Variants in KIF7 observed in about 807,000 individuals in gnomAD.
KIF7 encodes kinesin-like protein KIF7.
KIF7 carries 104 observed loss-of-function variants against 135.7 expected under a neutral mutation model. The observed-to-expected ratio is 0.77, with a 90% CI of 0.65 to 0.90. The LOEUF is 0.90. Ranked by LOEUF, KIF7 falls within the 40% of genes least tolerant of loss-of-function variation. The pLI, the probability that KIF7 is intolerant of heterozygous loss-of-function variation, is 0.00. For synonymous variants in KIF7, 883 were observed against 809.4 expected, an observed-to-expected ratio of 1.09 and a Z score of -1.54; for missense variants, 2,005 against 1,839.1, an observed-to-expected ratio of 1.09 and a Z score of -1.65.
intron 17 of KIF7, 51 bp downstream of exon 17, chr15:89,629,295 AGGGGGGTGCAGGGCGGGGAAGATGGGGGT>A: frequency 5.4e-6 from 3 of 555,962 alleles, no homozygotes; most frequent in Non-Finnish European, 6.5e-6. Context: ...GGGGGGAGGG[AGGGGGGTGCAGGGCGGGGAAGATGGGGGT>A]GGGGGGGATG....
intron 2 of KIF7, among the ~76,000 whole-genome samples, chr15:89,651,340 T>C (rs7162143): frequency 0.91 from 137,611 of 152,024 alleles, 62,553 homozygotes; most frequent in African/African-American, 0.96. Context: ...CCTCATGATC[T>C]GCCCACCTCG....
chr15:89,632,874 C>T lies in KIF7; in HGVS notation c.2841G>A (p.Glu947=), dbSNP rs747746877. ...HKREAILAKK[E]ALMQEKTGLE... ...GCCCCGTCTTCTCCTGCATCAGGGC[C>T]TCCTTCTTGGCCAGGATGGCCTCCC... is the stretch of plus-strand genomic sequence containing the variant. Residue 947 remains glutamate, a synonymous_variant, in exon 14 of 19, where the codon GAG becomes GAA. Coordinates refer to ENST00000394412, the MANE Select transcript of KIF7 (RefSeq NM_198525.3). 2.5e-6 allele frequency: 4 copies of T among 1,610,286 alleles called. No individual in the cohort carries two copies. In the South Asian group the frequency reaches 4.4e-5, roughly 18 times the overall value.
At chr15:89,626,912 T>G, downstream of KIF7, 1 of 1,598,010 alleles carries the variant, frequency 6.3e-7, no homozygotes, top group South Asian at 1.1e-5. Flanking sequence ...TTCAGTTCGG[T>G]CCTCTGTGAC....
chr15:89,627,197 T>C, downstream of KIF7: 1 of 1,377,580 alleles, frequency 7.3e-7, no homozygotes, highest in East Asian at 2.3e-5. Flanking sequence ...GTGTTCAGAT[T>C]GCCATTAGAA....
intron 1 of KIF7, among the ~76,000 whole-genome samples, chr15:89,622,276 G>A (rs2141982484): frequency 6.6e-6 from 1 of 152,168 alleles, no homozygotes; most frequent in South Asian, 2.1e-4. Flanking sequence ...ATGAGCCACT[G>A]CGCCCGGCCT....
rs143250090 is a variant in KIF7, at chr15:89,633,187, C to G, written c.2672G>C (p.Arg891Thr). The G allele has an allele frequency of 7.7e-5, 123 of 1,605,716 alleles. No homozygotes were observed. The African/African-American group carries it at 1.5e-3, about 19-fold the overall frequency. Residue 891 changes from arginine to threonine, a missense_variant, in exon 13 of 19, where the codon AGG becomes ACG. Transcript: ENST00000394412. ...CACAGAGCCGTTGCTGCCACTGCGCCTCTTCCTCTGGAATGCCGCGATCTC... is the reference window on the plus strand; with the variant it reads ...CACAGAGCCGTTGCTGCCACTGCGCGTCTTCCTCTGGAATGCCGCGATCTC... Reference protein sequence around the residue: ...TEEIAAFQRKRRSGSNGSVVS... With the variant: ...TEEIAAFQRKTRSGSNGSVVS...
chr15:89,618,224 CTT>C, intron 1 of KIF7: 1 of 1,613,346 alleles, frequency 6.2e-7, no homozygotes, highest in Non-Finnish European at 8.5e-7. Context: ...AGTGTTATCT[CTT>C]TTTGTTTTTA....
chr15:89,639,915 G>A (rs1048780784), intron 11 of KIF7, among the ~76,000 whole-genome samples: 143 of 152,130 alleles, frequency 9.4e-4, no homozygotes, highest in Non-Finnish European at 1.5e-3. Context: ...ATGATAGACT[G>A]GATTAAGAAA....
At chr15:89,635,289 C>T (rs889964764) in intron 11 of KIF7, among the ~76,000 whole-genome samples, 12 of 152,350 alleles carry the variant, frequency 7.9e-5, no homozygotes, top group African/African-American at 2.2e-4. Context: ...TTTAAAGGAA[C>T]GCAGTTCCTC....
intron 1 of KIF7, chr15:89,621,662 C>T: frequency 2.3e-6 from 2 of 865,356 alleles, no homozygotes. Flanking sequence ...CTAGATAATA[C>T]TAGAGATTGG....
intron 1 of KIF7, among the ~76,000 whole-genome samples, chr15:89,618,459 T>C (rs1007419943): frequency 9.2e-5 from 14 of 152,240 alleles, no homozygotes; most frequent in African/African-American, 3.4e-4. Context: ...AACTGTGTTA[T>C]ACAAAGTGCT....
upstream of KIF7, among the ~76,000 whole-genome samples, chr15:89,658,777 T>A (rs1245905912): frequency 6.6e-6 from 1 of 151,890 alleles, no homozygotes; most frequent in Non-Finnish European, 1.5e-5. Context: ...GGTGATAGGA[T>A]AGCTCGAGCC....
downstream of KIF7, chr15:89,627,031 TCAG>T: frequency 6.2e-7 from 1 of 1,614,136 alleles, no homozygotes; most frequent in Non-Finnish European, 8.5e-7. Context: ...AGGCGCCCCA[TCAG>T]CAGAACTTAT....
At chr15:89,620,791 T>G (rs1201643237) in intron 1 of KIF7, among the ~76,000 whole-genome samples, 1 of 150,382 alleles carries the variant, frequency 6.6e-6, no homozygotes, top group Non-Finnish European at 1.5e-5. Flanking sequence ...GGCGCAATCT[T>G]GGCTCACTGC....
chr15:89,619,592 G>C, intron 1 of KIF7: 1 of 1,092,016 alleles, frequency 9.2e-7, no homozygotes, highest in Admixed American at 2.4e-5. Context: ...CTAATAGCTT[G>C]CTGAATTTCC....
intron 6 of KIF7, 148 bp downstream of exon 6, chr15:89,647,448 A>G (rs1249414055): frequency 4.0e-6 from 3 of 744,644 alleles, no homozygotes; most frequent in Non-Finnish European, 7.1e-6. Context: ...GCTCACCTCC[A>G]CACTTTCGCT....
upstream of KIF7, among the ~76,000 whole-genome samples, chr15:89,658,832 C>G (rs1351420870): frequency 6.6e-6 from 1 of 151,772 alleles, no homozygotes; most frequent in Non-Finnish European, 1.5e-5. Flanking sequence ...CCACTGCACT[C>G]CAGCCTGGGT....
intron 10 of KIF7, among the ~76,000 whole-genome samples, chr15:89,643,994 G>T (rs1054582386): frequency 6.6e-6 from 1 of 151,718 alleles, no homozygotes; most frequent in Non-Finnish European, 1.5e-5. Context: ...CACACTGGGA[G>T]GTGTAGGGAA....
At chr15:89,655,626 G>C (rs79073802), upstream of KIF7, among the ~76,000 whole-genome samples, 2,709 of 152,224 alleles carry the variant, frequency 0.018, 83 homozygotes, top group African/African-American at 0.062. Context: ...GGCCTGGAGA[G>C]TGTGCAGCAT....
Sources: gnomAD v4.1 joint callset for allele counts (sites outside exome capture counted in the v4.1 genomes callset) on GRCh38, gnomAD v4.1.1 for gene constraint, MANE v1.5 for transcripts, NCBI Gene and HGNC (gene_info 2026-07-23, HGNC 2026-07-21) for gene names.